UBE2V2: variants seen among roughly 807,000 people sequenced by gnomAD.
The protein encoded by UBE2V2 is ubiquitin-conjugating enzyme E2 variant 2.
UBE2V2 carries 9 observed loss-of-function variants against 17.2 expected under a neutral mutation model. That is an observed-to-expected ratio of 0.52 (90% CI 0.32 to 0.91). The LOEUF (loss-of-function observed/expected upper bound fraction) is 0.91. Ranked by LOEUF, UBE2V2 falls within the 40% of genes least tolerant of loss-of-function variation. The pLI, the probability that UBE2V2 is intolerant of heterozygous loss-of-function variation, is 0.04. For synonymous variants in UBE2V2, 61 were observed against 57.5 expected (o/e 1.06, Z -0.28); for missense variants, 133 against 182.6 (o/e 0.73, Z 1.56).
At chr8:48,042,746 A>T (rs1433995246) in intron 1 of UBE2V2, 1 of 214,056 alleles carries the variant, frequency 4.7e-6, no homozygotes, top group African/African-American at 2.3e-5. Context: ...TCAAATAGGG[A>T]AAACGATTTC....
chr8:48,028,050 C>T (rs1589855301), intron 1 of UBE2V2, among the ~76,000 whole-genome samples: 1 of 152,032 alleles, frequency 6.6e-6, no homozygotes, highest in Non-Finnish European at 1.5e-5. Flanking sequence ...AATGGGATTT[C>T]ACCATGTTGG....
the UBE2V2 span, among the ~76,000 whole-genome samples, chr8:47,998,282 A>C: frequency 6.6e-6 from 1 of 151,984 alleles, no homozygotes; most frequent in Non-Finnish European, 1.5e-5. Flanking sequence ...GAAGGAGCAG[A>C]CTGAAAGGCT....
intron 1 of UBE2V2, among the ~76,000 whole-genome samples, chr8:48,028,583 C>A (rs1563852704): frequency 1.3e-5 from 2 of 152,128 alleles, no homozygotes; most frequent in Non-Finnish European, 2.9e-5. Flanking sequence ...GGTGATCTGC[C>A]CACCTCGGCC....
chr8:48,026,194 G>A (rs1231619420), intron 1 of UBE2V2, among the ~76,000 whole-genome samples: 1 of 151,934 alleles, frequency 6.6e-6, no homozygotes, highest in Admixed American at 6.6e-5. Flanking sequence ...TTGGTTCCAG[G>A]AGTTTTGGGA....
chr8:48,027,154 C>T (rs961503861), intron 1 of UBE2V2, among the ~76,000 whole-genome samples: 1 of 151,948 alleles, frequency 6.6e-6, no homozygotes, highest in African/African-American at 2.4e-5. Flanking sequence ...GCCTGCGCTA[C>T]CATGCCTGTC....
At chr8:48,040,305 T>C (rs1043066633) in intron 1 of UBE2V2, among the ~76,000 whole-genome samples, 1 of 152,172 alleles carries the variant, frequency 6.6e-6, no homozygotes, top group African/African-American at 2.4e-5. Context: ...AATAGAATTA[T>C]CAAAATCAGG....
upstream of UBE2V2, among the ~76,000 whole-genome samples, chr8:48,004,304 T>C (rs1313749424): frequency 6.6e-6 from 1 of 152,120 alleles, no homozygotes; most frequent in Non-Finnish European, 1.5e-5. Flanking sequence ...AATGCTGAGG[T>C]CACTAGAACT....
chr8:48,064,191 C>G lies in UBE2V2; in HGVS notation c.*3363C>G, dbSNP rs1802631887. The G allele has an allele frequency of 6.6e-6, 1 of 152,144 alleles. No individual in the cohort carries two copies. Among genetic ancestry groups the G allele is most frequent in the East Asian group, 1.9e-4 (1 of 5,186 alleles). The allele number at this position is 152,144 out of a possible 1,614,324, so 9.4% of individuals were successfully genotyped here. On this transcript the variant is annotated 3_prime_UTR_variant, in exon 4 of 4. Transcript: ENST00000523111. ...TCAGGAATTTTCCTTTTATAGTATG[C>G]TTTTTAGGCATCTGTATGTGTAATA... is the stretch of plus-strand genomic sequence containing the variant.
Position 48,043,198 on chromosome 8 carries a change from A to T in UBE2V2, c.165+17A>T. The T allele has an allele frequency of 6.9e-7, 1 of 1,441,302 alleles. No individual in the cohort carries two copies. Among genetic ancestry groups the T allele is most frequent in the Non-Finnish European group, 9.2e-7 (1 of 1,088,940 alleles). The allele number at this position is 1,441,302 out of a possible 1,614,324, so 89.3% of individuals were successfully genotyped here. ...CCACCAAGGGTCAGTGTTATAAATT[A>T]TATTTTTTCTATTAATACTTATTGT... On this transcript the variant is annotated intron_variant, in intron 2 of 3. Transcript: ENST00000523111.
intron 3 of UBE2V2, among the ~76,000 whole-genome samples, chr8:48,054,185 A>G (rs960647919): frequency 6.6e-6 from 1 of 152,160 alleles, no homozygotes; most frequent in Non-Finnish European, 1.5e-5. Flanking sequence ...CTCAATTGCA[A>G]TGTGTATCTT....
intron 1 of UBE2V2, among the ~76,000 whole-genome samples, chr8:48,033,191 A>AT (rs376034967): frequency 8.9e-4 from 133 of 149,200 alleles, no homozygotes; most frequent in East Asian, 2.7e-3. Flanking sequence ...TTCTTTTTCC[A>AT]TTTTTTTTTT....
chr8:48,036,761 T>C (rs1049538497), intron 1 of UBE2V2, among the ~76,000 whole-genome samples: 8 of 152,158 alleles, frequency 5.3e-5, no homozygotes, highest in Admixed American at 5.2e-4. Flanking sequence ...CAATTGATGT[T>C]GATACATAAT....
chr8:48,006,383 T>C (rs1451111460), upstream of UBE2V2, among the ~76,000 whole-genome samples: 2 of 152,048 alleles, frequency 1.3e-5, no homozygotes, highest in Admixed American at 6.6e-5. Context: ...ATATCTGTTT[T>C]GGTACCAGTA....
At chr8:48,008,292 A>G, upstream of UBE2V2, 1 of 791,936 alleles carries the variant, frequency 1.3e-6, no homozygotes, top group South Asian at 3.0e-5. Flanking sequence ...AACAGCAGCG[A>G]GGCCCCGCGA....
At chr8:48,044,143 C>CTGATGA (rs549316347) in intron 2 of UBE2V2, among the ~76,000 whole-genome samples, 14 of 151,348 alleles carry the variant, frequency 9.3e-5, no homozygotes, top group African/African-American at 1.7e-4. Context: ...AGAGTTCCTC[C>CTGATGA]TGATGATGAT....
chr8:48,016,671 G>C (rs370706927), intron 1 of UBE2V2, among the ~76,000 whole-genome samples: 2 of 149,304 alleles, frequency 1.3e-5, no homozygotes, highest in Admixed American at 6.7e-5. Context: ...TATTAGAGAC[G>C]GGGTTTCTCC....
intron 1 of UBE2V2, among the ~76,000 whole-genome samples, chr8:48,016,813 G>C (rs2091272229): frequency 8.2e-6 from 1 of 121,664 alleles, no homozygotes; most frequent in Non-Finnish European, 1.7e-5. Flanking sequence ...TTGAGACAGA[G>C]TCTCGCTCTG....
At chr8:48,009,426 C>T (rs1051627210) in intron 1 of UBE2V2, among the ~76,000 whole-genome samples, 1 of 151,700 alleles carries the variant, frequency 6.6e-6, no homozygotes, top group Non-Finnish European at 1.5e-5. Flanking sequence ...CCACCAGGCC[C>T]GGCTAATTTT....
chr8:48,046,253 G>A (rs984868585), intron 2 of UBE2V2, among the ~76,000 whole-genome samples: 2 of 152,088 alleles, frequency 1.3e-5, no homozygotes, highest in African/African-American at 2.4e-5. Flanking sequence ...CCGAGTAGTG[G>A]GACTACAGGG....
Sources: gnomAD v4.1 joint callset for allele counts (sites outside exome capture counted in the v4.1 genomes callset) on GRCh38, gnomAD v4.1.1 for gene constraint, MANE v1.5 for transcripts, NCBI Gene and HGNC (gene_info 2026-07-23, HGNC 2026-07-21) for gene names.